Variants in RALGAPA2 observed in about 807,000 individuals in gnomAD.
RALGAPA2 encodes the protein ral GTPase-activating protein subunit alpha-2.
RALGAPA2 carries 139 observed loss-of-function variants against 230.4 expected under a neutral mutation model. That is an observed-to-expected ratio of 0.60 (90% CI 0.53 to 0.69). RALGAPA2 has a LOEUF of 0.69. Among genes scored for constraint, RALGAPA2 ranks in the 30% least tolerant of loss-of-function variants. The pLI is 0.00. For synonymous variants in RALGAPA2, 847 were observed against 837.8 expected (o/e 1.01, Z -0.19); for missense variants, 2,163 against 2,276.0 (o/e 0.95, Z 1.01).
intron 20 of RALGAPA2, among the ~76,000 whole-genome samples, chr20:20,576,636 C>T (rs1199567694): frequency 6.6e-6 from 1 of 151,826 alleles, no homozygotes; most frequent in Non-Finnish European, 1.5e-5. Context: ...TTCATACTGA[C>T]CTTGTGTGGT....
chr20:20,433,608 G>A (rs1027887914), intron 37 of RALGAPA2, among the ~76,000 whole-genome samples: 2 of 152,146 alleles, frequency 1.3e-5, no homozygotes, highest in Non-Finnish European at 2.9e-5. Flanking sequence ...ATGTTTCTCA[G>A]ATGAGGTCCA....
intron 1 of RALGAPA2, among the ~76,000 whole-genome samples, chr20:20,684,584 C>T (rs150882918): frequency 6.6e-6 from 1 of 152,138 alleles, no homozygotes; most frequent in Non-Finnish European, 1.5e-5. Context: ...AGATACATTC[C>T]AGGGAACCCA....
intron 10 of RALGAPA2, among the ~76,000 whole-genome samples, chr20:20,624,144 T>C (rs2066411913): frequency 6.6e-6 from 1 of 152,022 alleles, no homozygotes; most frequent in Non-Finnish European, 1.5e-5. Flanking sequence ...TTGGCCAACA[T>C]GGCGAAACCC....
At chr20:20,468,759 C>T (rs2061475307) in intron 37 of RALGAPA2, among the ~76,000 whole-genome samples, 1 of 152,070 alleles carries the variant, frequency 6.6e-6, no homozygotes, top group South Asian at 2.1e-4. Flanking sequence ...CACCAAGAGA[C>T]CACCGTTCTA....
At chr20:20,449,512 T>A (rs898515027) in intron 37 of RALGAPA2, among the ~76,000 whole-genome samples, 5 of 152,272 alleles carry the variant, frequency 3.3e-5, no homozygotes, top group Non-Finnish European at 5.9e-5. Context: ...TGTCAGGTAC[T>A]TGGGCTTTTT....
chr20:20,653,104 G>C (rs563823775), intron 4 of RALGAPA2, among the ~76,000 whole-genome samples: 11 of 146,732 alleles, frequency 7.5e-5, no homozygotes, highest in Non-Finnish European at 1.6e-4. Flanking sequence ...GCTGAGGCAG[G>C]AGAATCACTT....
intron 26 of RALGAPA2, among the ~76,000 whole-genome samples, chr20:20,534,710 G>A (rs1288311094): frequency 1.3e-5 from 2 of 152,096 alleles, no homozygotes; most frequent in Non-Finnish European, 2.9e-5. Context: ...CTCTAATTTT[G>A]TAAAAACTCT....
intron 4 of RALGAPA2, 88 bp downstream of exon 4, chr20:20,653,442 T>C: frequency 1.3e-6 from 1 of 760,878 alleles, no homozygotes; most frequent in East Asian, 2.7e-5. Flanking sequence ...TTCTATAAGC[T>C]ATCTTGATGA....
At chr20:20,583,676 G>A (rs1323611828) in intron 19 of RALGAPA2, among the ~76,000 whole-genome samples, 1 of 152,144 alleles carries the variant, frequency 6.6e-6, no homozygotes, top group Non-Finnish European at 1.5e-5. Context: ...TAGACCTAGG[G>A]TGACTCATTC....
At chr20:20,592,289 C>T (rs1198914505) in intron 16 of RALGAPA2, among the ~76,000 whole-genome samples, 1 of 152,186 alleles carries the variant, frequency 6.6e-6, no homozygotes, top group Admixed American at 6.5e-5. Context: ...TCAGGGTGAA[C>T]ACAGGCTTTC....
rs1342484307 is a variant in RALGAPA2 at position 20,712,252 on chromosome 20, G to T, written c.106+123C>A. 1 of 913,484 alleles carries T rather than the reference G, an allele frequency of 1.1e-6. No homozygotes were observed. Among genetic ancestry groups the T allele is most frequent in the Admixed American group, 3.5e-5 (1 of 28,942 alleles). 56.6% of individuals were successfully genotyped at this position (913,484 alleles called of 1,614,324 possible). A position where few individuals can be genotyped will look rare whatever the true frequency, so the allele number is the denominator to read the frequency against. On this transcript the variant is annotated intron_variant, in intron 1 of 39. Transcript: ENST00000202677. This position sits in a 1 kb window ranked among gnomAD's most constrained non-coding sequence, Gnocchi z 5.5. The stretch of plus-strand genomic sequence containing the variant: ...GTCCAAGCCCAGATCCAGGGAAGGG[G>T]GTCGGACGCCCACCCATCCCCCTCC...
chr20:20,505,345 T>C, intron 34 of RALGAPA2, 66 bp downstream of exon 34: 1 of 1,391,196 alleles, frequency 7.2e-7, no homozygotes, highest in Non-Finnish European at 9.5e-7. Flanking sequence ...ACTTACACAA[T>C]GTCTAGTTTG....
intron 14 of RALGAPA2, among the ~76,000 whole-genome samples, chr20:20,609,872 G>A (rs2065927741): frequency 6.6e-6 from 1 of 152,148 alleles, no homozygotes; most frequent in African/African-American, 2.4e-5. Context: ...GAAAGTTTAG[G>A]GCCACTTCAC....
chr20:20,531,390 CTT>C (rs746810730), intron 27 of RALGAPA2, among the ~76,000 whole-genome samples: 39 of 152,220 alleles, frequency 2.6e-4, no homozygotes, highest in Admixed American at 2.3e-3. Flanking sequence ...ACCCCACTCT[CTT>C]GTCACCCCCA....
intron 37 of RALGAPA2, among the ~76,000 whole-genome samples, chr20:20,442,304 G>A (rs1329765285): frequency 6.6e-6 from 1 of 152,180 alleles, no homozygotes; most frequent in Admixed American, 6.5e-5. Context: ...TTATAGATTG[G>A]CCAAGAGATA....
At chr20:20,692,905 T>C (rs994491158) in intron 1 of RALGAPA2, among the ~76,000 whole-genome samples, 2 of 152,224 alleles carry the variant, frequency 1.3e-5, no homozygotes, top group African/African-American at 4.8e-5. Context: ...GAAATTCTTA[T>C]TACTTGCTTA....
intron 23 of RALGAPA2, among the ~76,000 whole-genome samples, chr20:20,566,426 C>T (rs1031915151): frequency 5.3e-5 from 8 of 152,144 alleles, no homozygotes; most frequent in African/African-American, 1.4e-4. Context: ...TATTTCTCCA[C>T]ACGTTGTAAA....
At chr20:20,466,309 G>C (rs2061420866) in intron 37 of RALGAPA2, among the ~76,000 whole-genome samples, 1 of 152,214 alleles carries the variant, frequency 6.6e-6, no homozygotes, top group Non-Finnish European at 1.5e-5. Flanking sequence ...TAGTTTTTTG[G>C]TAATGTGAGG....
At chr20:20,648,430 G>C (rs1312290227) in intron 4 of RALGAPA2, among the ~76,000 whole-genome samples, 1 of 152,044 alleles carries the variant, frequency 6.6e-6, no homozygotes, top group African/African-American at 2.4e-5. Context: ...TATCTTGATG[G>C]TAGTAATGAT....
Sources: gnomAD v4.1 joint callset for allele counts (sites outside exome capture counted in the v4.1 genomes callset) on GRCh38, gnomAD v4.1.1 for gene constraint, Gnocchi (gnomAD v3.1) non-coding constraint, MANE v1.5 for transcripts, NCBI Gene and HGNC (gene_info 2026-07-23, HGNC 2026-07-21) for gene names.